DEPDC5: variants seen among roughly 807,000 people sequenced by gnomAD.
The protein encoded by DEPDC5 is DEP domain containing 5, GATOR1 subcomplex subunit, also known as GATOR1 complex protein DEPDC5.
DEPDC5 carries 73 observed loss-of-function variants against 217.3 expected under a neutral mutation model. That is an observed-to-expected ratio of 0.34 (90% CI 0.28 to 0.41). DEPDC5 has a LOEUF of 0.41. Among genes scored for constraint, DEPDC5 ranks in the 10% least tolerant of loss-of-function variants. The pLI, the probability that DEPDC5 is intolerant of heterozygous loss-of-function variation, is 1.00. For missense variants in DEPDC5, 1,675 were observed against 2,070.1 expected (o/e 0.81, Z 3.70); for synonymous variants, 733 against 756.7 (o/e 0.97, Z 0.51).
intron 39 of DEPDC5, among the ~76,000 whole-genome samples, chr22:31,896,904 A>C (rs2093562403): frequency 6.6e-6 from 1 of 152,160 alleles, no homozygotes; most frequent in Non-Finnish European, 1.5e-5. Flanking sequence ...GGATCACCTG[A>C]GTCAGGAGTT....
At chr22:31,807,010 T>C (rs2087624980) in intron 18 of DEPDC5, among the ~76,000 whole-genome samples, 1 of 152,182 alleles carries the variant, frequency 6.6e-6, no homozygotes, top group South Asian at 2.1e-4. Flanking sequence ...AGATCTTGTC[T>C]CTGGAAACAA....
At chr22:31,815,407 T>G (rs74511523) in intron 21 of DEPDC5, 195 bp downstream of exon 21, 8 of 658,174 alleles carry the variant, frequency 1.2e-5, no homozygotes, top group Admixed American at 2.7e-5. Context: ...TTTTTTTTTT[T>G]GGTGACAGAG....
intron 8 of DEPDC5, among the ~76,000 whole-genome samples, chr22:31,780,432 A>C (rs893303209): frequency 3.9e-5 from 6 of 152,126 alleles, no homozygotes; most frequent in African/African-American, 1.4e-4. Flanking sequence ...GAGTGGAGGA[A>C]TCACTGGAGG....
At chr22:31,889,715 A>G (rs1304134892) in intron 38 of DEPDC5, among the ~76,000 whole-genome samples, 1 of 151,622 alleles carries the variant, frequency 6.6e-6, no homozygotes. Context: ...TAATTTTTGT[A>G]TTTTTAGTAG....
chr22:31,844,957 G>A lies in DEPDC5; in HGVS notation c.2802-61G>A, dbSNP rs547530892. 3.2e-6 allele frequency: 5 copies of A among 1,560,940 alleles called. No individual in the cohort carries two copies. The South Asian group carries it at 5.6e-5, about 17-fold the overall frequency. On this transcript the variant is annotated intron_variant, in intron 29 of 42. Coordinates refer to ENST00000651528, the MANE Select transcript of DEPDC5 (RefSeq NM_001242896.3). ...ACACCAACTCCACAGAGAGTTTACT[G>A]AGAGTGCTTTCATTATCTCCTTTCT... is the stretch of plus-strand genomic sequence containing the variant.
chr22:31,877,057 C>T (rs992774804), intron 37 of DEPDC5, among the ~76,000 whole-genome samples: 3 of 151,750 alleles, frequency 2.0e-5, no homozygotes, highest in Non-Finnish European at 4.4e-5. Context: ...GCAGGAGAAT[C>T]GCTTGAATCC....
intron 9 of DEPDC5, chr22:31,784,327 G>A (rs1429327127): frequency 4.7e-6 from 1 of 213,646 alleles, no homozygotes; most frequent in African/African-American, 2.3e-5. Context: ...TTATGATCTT[G>A]TTTTAAGATG....
chr22:31,899,238 C>A (rs2093606429), intron 40 of DEPDC5, among the ~76,000 whole-genome samples: 1 of 152,202 alleles, frequency 6.6e-6, no homozygotes, highest in Non-Finnish European at 1.5e-5. Flanking sequence ...GGATTTGAAT[C>A]TAAAAATCAA....
intron 38 of DEPDC5, among the ~76,000 whole-genome samples, chr22:31,886,819 C>G (rs2093326013): frequency 6.7e-6 from 1 of 149,210 alleles, no homozygotes; most frequent in Admixed American, 6.7e-5. Context: ...GCCTGTAATC[C>G]CAGCACTTTG....
chr22:31,874,262 T>C lies in DEPDC5; in HGVS notation c.3564-11T>C, dbSNP rs993730867. 6.2e-7 allele frequency: 1 copy of C among 1,605,082 alleles called. No homozygotes were observed. Among genetic ancestry groups the C allele is most frequent in the Non-Finnish European group, 8.5e-7 (1 of 1,175,438 alleles). ...CATCCCCTGCTCCCCGTTCACCGTG[T>C]TGGAACCCAGGACAGGAGTCCAGCT... is the stretch of plus-strand genomic sequence containing the variant. On this transcript the variant is annotated splice_polypyrimidine_tract_variant and intron_variant, in intron 35 of 42. Transcript: ENST00000651528.
At position 31,846,719 on chromosome 22, in the gene DEPDC5, A is replaced by ACCCT; in HGVS notation, c.3022-114_3022-111dup. On this transcript the variant is annotated intron_variant, in intron 30 of 42. Coordinates refer to ENST00000651528, the MANE Select transcript of DEPDC5 (RefSeq NM_001242896.3). ...GAACACTGAGAACCTGTGTTCCTTG[A>ACCCT]CCCTGTCCATGGGATTCCCGGGGCC... 2.1e-6 allele frequency: 3 copies of ACCCT among 1,460,388 alleles called. No homozygotes were observed. In the Middle Eastern group the frequency reaches 5.5e-4, roughly 268 times the overall value. 90.5% of individuals were successfully genotyped at this position (1,460,388 alleles called of 1,614,324 possible). A position where few individuals can be genotyped will look rare whatever the true frequency, so the allele number is the denominator to read the frequency against.
chr22:31,758,514 T>C lies in DEPDC5; in HGVS notation c.59-32T>C, dbSNP rs1354321431. 35 of 1,602,836 alleles carry C rather than the reference T, an allele frequency of 2.2e-5. No homozygotes were observed. Among genetic ancestry groups the C allele is most frequent in the Non-Finnish European group, 2.9e-5 (34 of 1,169,880 alleles). ...ACATACAGTGTACCTAATGAGTGTT[T>C]TTCTACTTGAAGTGGCTGAATTGTC... On this transcript the variant is annotated intron_variant, in intron 2 of 42. Transcript: ENST00000651528.
At chr22:31,825,494 C>T (rs532220943) in intron 24 of DEPDC5, among the ~76,000 whole-genome samples, 26 of 152,130 alleles carry the variant, frequency 1.7e-4, no homozygotes, top group Non-Finnish European at 3.4e-4. Flanking sequence ...TGATGGACCT[C>T]TCTGCTCAGA....
intron 41 of DEPDC5, among the ~76,000 whole-genome samples, chr22:31,902,775 G>A (rs559793120): frequency 1.3e-5 from 2 of 152,046 alleles, no homozygotes; most frequent in Non-Finnish European, 2.9e-5. Context: ...TACCCCTCAC[G>A]GGGAAGCTGG....
chr22:31,797,477 A>G (rs2086375474), intron 12 of DEPDC5, 123 bp from the exon 13 acceptor site: 2 of 716,660 alleles, frequency 2.8e-6, no homozygotes, highest in South Asian at 3.3e-5. Flanking sequence ...TGATCCAGTC[A>G]CCTCCCACCA....
rs2091958994 is a variant in DEPDC5 at position 31,850,298 on chromosome 22, G to A, written c.3155+3331G>A. ...AATATATTGTGGATAATATACTGTA[G>A]TACTCTCAATGCTCAATTTCAGTTA... is the stretch of plus-strand genomic sequence containing the variant. On this transcript the variant is annotated intron_variant, in intron 31 of 42. Coordinates refer to ENST00000651528, the MANE Select transcript of DEPDC5 (RefSeq NM_001242896.3). Among the ~76,000 whole-genome samples, 4 of 151,986 alleles carry A rather than the reference G, an allele frequency of 2.6e-5. No homozygotes were observed. The South Asian group carries it at 8.3e-4, about 32-fold the overall frequency.
chr22:31,819,464 C>CTT (rs949134977), intron 22 of DEPDC5, among the ~76,000 whole-genome samples: 9 of 141,372 alleles, frequency 6.4e-5, no homozygotes, highest in East Asian at 2.0e-4. Flanking sequence ...TGTTTCTGCC[C>CTT]TTTTTTTTTT....
At chr22:31,785,769 T>G (rs775963054) in intron 10 of DEPDC5, among the ~76,000 whole-genome samples, 3 of 152,152 alleles carry the variant, frequency 2.0e-5, no homozygotes, top group Non-Finnish European at 4.4e-5. Context: ...TATAGATCAA[T>G]GGAATTGAAT....
rs558105311 is a variant in DEPDC5, at chr22:31,904,211, C to T, written c.4437-1773C>T. 1.9e-3 allele frequency among the ~76,000 whole-genome samples: 293 copies of T among 152,316 alleles called. 1 individual carries two copies. The highest frequency in any genetic ancestry group is 3.5e-3 in the Non-Finnish European group (237 of 68,036). ...GCCCCTAGGCTGTGACCTACAGCTCCTCCTTCATCTTCCTTGGGGCAGGTG... is the reference window on the plus strand; with the variant it reads ...GCCCCTAGGCTGTGACCTACAGCTCTTCCTTCATCTTCCTTGGGGCAGGTG... On this transcript the variant is annotated intron_variant, in intron 41 of 42. Coordinates refer to ENST00000651528, the MANE Select transcript of DEPDC5 (RefSeq NM_001242896.3).
Sources: allele counts gnomAD v4.1 joint callset (sites outside exome capture counted in the v4.1 genomes callset), GRCh38; gene constraint gnomAD v4.1.1; transcripts MANE v1.5; gene names NCBI Gene and HGNC (gene_info 2026-07-23, HGNC 2026-07-21).